The following GRIN2A variants were observed in gnomAD, a reference collection of about 807,000 sequenced individuals.
GRIN2A encodes the protein glutamate ionotropic receptor NMDA type subunit 2A.
GRIN2A carries 22 observed loss-of-function variants against 113.4 expected under a neutral mutation model. The ratio of observed to expected loss-of-function variants is 0.19; its 90% CI spans 0.14 to 0.28. The LOEUF (loss-of-function observed/expected upper bound fraction) is 0.28, where lower values mean the gene tolerates loss of function less well. GRIN2A is among the 10% of genes least tolerant of loss of function. The pLI, the probability that GRIN2A is intolerant of heterozygous loss-of-function variation, is 1.00. For synonymous variants in GRIN2A, 827 were observed against 738.4 expected, an observed-to-expected ratio of 1.12 and a Z score of -1.94; for missense variants, 1,502 against 1,887.0, an observed-to-expected ratio of 0.80 and a Z score of 3.78.
chr16:9,785,519 A>G lies in GRIN2A; in HGVS notation c.2356+12758T>C, dbSNP rs1902185407. Among the ~76,000 whole-genome samples the G allele has an allele frequency of 2.6e-5, 4 of 152,106 alleles. No individual in the cohort carries two copies. The South Asian group carries it at 8.3e-4, about 32-fold the overall frequency. ...ACGAGTTAATGGGTACAGCACACCA[A>G]CATGGCACATGTACACATATGTAAT... On this transcript the variant is annotated intron_variant, in intron 11 of 12. Coordinates refer to ENST00000330684, the MANE Select transcript of GRIN2A (RefSeq NM_001134407.3).
intron 2 of GRIN2A, among the ~76,000 whole-genome samples, chr16:10,174,647 G>A (rs768867955): frequency 1.3e-5 from 2 of 152,052 alleles, no homozygotes; most frequent in Non-Finnish European, 2.9e-5. Context: ...GTGTAAAGAG[G>A]AACCAATTAT....
At chr16:10,053,599 G>A (rs192746517) in intron 2 of GRIN2A, among the ~76,000 whole-genome samples, 2 of 152,198 alleles carry the variant, frequency 1.3e-5, no homozygotes, top group African/African-American at 4.8e-5. Context: ...GAGGGCAAAT[G>A]TTGCACTAAG....
At chr16:9,920,795 C>G (rs548157324) in intron 3 of GRIN2A, among the ~76,000 whole-genome samples, 1 of 152,118 alleles carries the variant, frequency 6.6e-6, no homozygotes, top group South Asian at 2.1e-4. Flanking sequence ...CCTCGTGATC[C>G]CCCTGCCTCG....
Position 10,105,297 on chromosome 16 carries a change from A to G in GRIN2A, c.414+74701T>C, listed in dbSNP as rs117892530. On this transcript the variant is annotated intron_variant, in intron 2 of 12. Transcript: ENST00000330684. ...TCCTTGCCCTTTAATGAAGCTGCCAAAAACCTCCAAATTTAACAGTTTGCA... is the reference window on the plus strand; with the variant it reads ...TCCTTGCCCTTTAATGAAGCTGCCAGAAACCTCCAAATTTAACAGTTTGCA... Among the ~76,000 whole-genome samples, 6 of 152,282 alleles carry G rather than the reference A, an allele frequency of 3.9e-5. No individual in the cohort carries two copies. In the East Asian group the frequency reaches 9.7e-4, roughly 25 times the overall value.
Position 9,762,019 on chromosome 16 carries a change from G to T in GRIN2A, c.*1130C>A, listed in dbSNP as rs1214514745. ...AAGTGAGTGTCCAACAGAATTTCTG[G>T]ATGTGAAGGAAGATAAACCTAAAAC... On this transcript the variant is annotated 3_prime_UTR_variant, in exon 13 of 13. Coordinates refer to ENST00000330684, the MANE Select transcript of GRIN2A (RefSeq NM_001134407.3). The T allele has an allele frequency of 5.0e-6, 1 of 199,170 alleles. No individual in the cohort carries two copies. Among genetic ancestry groups the T allele is most frequent in the Admixed American group, 6.1e-5 (1 of 16,520 alleles). The allele number at this position is 199,170 out of a possible 1,614,324, so 12.3% of individuals were successfully genotyped here.
At chr16:10,109,027 AAAAAAAAAC>A (rs1211502497) in intron 2 of GRIN2A, among the ~76,000 whole-genome samples, 1 of 150,352 alleles carries the variant, frequency 6.7e-6, no homozygotes, top group East Asian at 1.9e-4. Flanking sequence ...AAAAAAAAAA[AAAAAAAAAC>A]AAAATTGATA....
chr16:10,077,678 G>C (rs1231009288), intron 2 of GRIN2A, among the ~76,000 whole-genome samples: 2 of 152,128 alleles, frequency 1.3e-5, no homozygotes, highest in East Asian at 3.9e-4. Context: ...TTACCTTTCT[G>C]CCCTCATCTC....
At chr16:10,005,461 G>C (rs960124682) in intron 2 of GRIN2A, among the ~76,000 whole-genome samples, 1 of 152,160 alleles carries the variant, frequency 6.6e-6, no homozygotes, top group Non-Finnish European at 1.5e-5. Context: ...TCAGAGCGAT[G>C]GTCACAAAAC....
intron 4 of GRIN2A, among the ~76,000 whole-genome samples, chr16:9,883,419 C>T (rs2043522980): frequency 6.6e-6 from 1 of 152,190 alleles, no homozygotes; most frequent in African/African-American, 2.4e-5. Context: ...CCAAAGCAAG[C>T]TGTTAACACT....
intron 2 of GRIN2A, among the ~76,000 whole-genome samples, chr16:10,049,537 C>T (rs1003870060): frequency 6.6e-6 from 1 of 152,026 alleles, no homozygotes; most frequent in Non-Finnish European, 1.5e-5. Context: ...ACAACTACGC[C>T]CACCTAATTT....
At chr16:10,036,255 A>G (rs1277324614) in intron 2 of GRIN2A, among the ~76,000 whole-genome samples, 1 of 152,024 alleles carries the variant, frequency 6.6e-6, no homozygotes, top group Non-Finnish European at 1.5e-5. Context: ...CTTGAACAAT[A>G]TAATTTTTTT....
chr16:10,108,712 C>T (rs917542326), intron 2 of GRIN2A, among the ~76,000 whole-genome samples: 1 of 152,192 alleles, frequency 6.6e-6, no homozygotes, highest in African/African-American at 2.4e-5. Context: ...GCTGTGCTAG[C>T]ATACTTGGAA....
At chr16:9,845,636 C>T (rs1195667411) in intron 5 of GRIN2A, among the ~76,000 whole-genome samples, 1 of 152,156 alleles carries the variant, frequency 6.6e-6, no homozygotes, top group African/African-American at 2.4e-5. Context: ...TTCCGTTTCC[C>T]AAACTCCCAA....
At chr16:9,872,916 T>A (rs68096450) in intron 4 of GRIN2A, among the ~76,000 whole-genome samples, 1 of 151,868 alleles carries the variant, frequency 6.6e-6, no homozygotes, top group Non-Finnish European at 1.5e-5. Flanking sequence ...ATGGTGGCAC[T>A]TGCCTATAGT....
intron 2 of GRIN2A, among the ~76,000 whole-genome samples, chr16:10,046,075 C>A (rs1473984219): frequency 6.6e-6 from 1 of 152,148 alleles, no homozygotes; most frequent in Non-Finnish European, 1.5e-5. Context: ...CAGTTGAAAA[C>A]CACTGCTCTA....
In GRIN2A at chr16:9,823,271, C is replaced by A. The variant is rs535542540; in HGVS notation, c.2008-847G>T. Among the ~76,000 whole-genome samples the A allele has an allele frequency of 5.6e-4, 85 of 152,210 alleles. 1 individual carries two copies. Among genetic ancestry groups the A allele is most frequent in the Non-Finnish European group, 8.8e-5 (6 of 68,008 alleles). On this transcript the variant is annotated intron_variant, in intron 9 of 12. Transcript: ENST00000330684. The stretch of plus-strand genomic sequence containing the variant: ...TACAGCTAAACACTAGAGATGGTGG[C>A]GGGCTGTGGTTATAAGCAGGAGCTC...
At chr16:9,954,831 G>T (rs146474829) in intron 2 of GRIN2A, among the ~76,000 whole-genome samples, 1 of 152,298 alleles carries the variant, frequency 6.6e-6, no homozygotes, top group African/African-American at 2.4e-5. Flanking sequence ...TCATGCAGTG[G>T]GATGAATCCA....
chr16:10,120,578 C>A (rs1023723388), intron 2 of GRIN2A, among the ~76,000 whole-genome samples: 1 of 151,450 alleles, frequency 6.6e-6, no homozygotes, highest in Non-Finnish European at 1.5e-5. Flanking sequence ...ATTTTCTTTT[C>A]ATTAAGGGAA....
intron 3 of GRIN2A, among the ~76,000 whole-genome samples, chr16:9,902,124 C>T (rs2043941537): frequency 1.4e-5 from 2 of 147,804 alleles, no homozygotes; most frequent in South Asian, 2.1e-4. Flanking sequence ...CTCTTTTCTT[C>T]TGCCTTAGTA....
Sources: gnomAD v4.1 joint callset for allele counts (sites outside exome capture counted in the v4.1 genomes callset) on GRCh38, gnomAD v4.1.1 for gene constraint, MANE v1.5 for transcripts, NCBI Gene and HGNC (gene_info 2026-07-23, HGNC 2026-07-21) for gene names.